The following RAPGEF1 variants were observed in gnomAD, a reference collection of about 807,000 sequenced individuals.
The protein encoded by RAPGEF1 is CRK SH3-binding GNRP.
RAPGEF1 carries 33 observed loss-of-function variants against 143.3 expected under a neutral mutation model. That is an observed-to-expected ratio of 0.23 (90% CI 0.17 to 0.31). The LOEUF is 0.31. RAPGEF1 is among the 10% of genes least tolerant of loss of function. The pLI, the probability that RAPGEF1 is intolerant of heterozygous loss-of-function variation, is 1.00. For missense variants in RAPGEF1, 1,199 were observed against 1,645.4 expected (o/e 0.73, Z 4.69); for synonymous variants, 629 against 676.5 (o/e 0.93, Z 1.09).
intron 1 of RAPGEF1, among the ~76,000 whole-genome samples, chr9:131,734,223 T>C (rs879669470): frequency 1.4e-4 from 21 of 152,182 alleles, no homozygotes; most frequent in Non-Finnish European, 2.9e-4. Flanking sequence ...AGGGGGCCGG[T>C]TCCCCATTCC....
chr9:131,661,893 T>A (rs1208767150), intron 1 of RAPGEF1, among the ~76,000 whole-genome samples: 1 of 152,254 alleles, frequency 6.6e-6, no homozygotes, highest in Admixed American at 6.5e-5. Flanking sequence ...ATTCTTAGGA[T>A]CTTAAATCAC....
rs1315298438 is a variant in RAPGEF1, at chr9:131,592,042, CCTCT to C, written c.2774+53_2774+56del. ...ACGAGGACTGAAGGGCAAGAGGGTC[CCTCT>C]CTCTCCAAAATGCCCATGGTGCAGG... On this transcript the variant is annotated intron_variant, in intron 18 of 26. Transcript: ENST00000683357. 25 of 1,362,066 alleles carry C rather than the reference CCTCT, an allele frequency of 1.8e-5. No homozygotes were observed. In the East Asian group the frequency reaches 5.3e-4, roughly 29 times the overall value. The allele number at this position is 1,362,066 out of a possible 1,614,324, so 84.4% of individuals were successfully genotyped here.
chr9:131,607,587 G>T (rs924172723), intron 12 of RAPGEF1, among the ~76,000 whole-genome samples: 14 of 152,072 alleles, frequency 9.2e-5, no homozygotes, highest in African/African-American at 2.7e-4. Flanking sequence ...CTGCTGGGGG[G>T]GCTGCCTTCA....
In RAPGEF1 at chr9:131,658,162, G is replaced by A. The variant is rs149486178; in HGVS notation, c.62-7213C>T. Among the ~76,000 whole-genome samples the A allele has an allele frequency of 7.0e-4, 106 of 152,256 alleles. 1 individual carries two copies. In the East Asian group the frequency reaches 0.015, roughly 22 times the overall value. ...TAAGAGCAGAACGGCTGGATTGTAG[G>A]GTATATGCCACATTGATTCTTACAG... On this transcript the variant is annotated intron_variant, in intron 1 of 26. Coordinates refer to ENST00000683357, the MANE Select transcript of RAPGEF1 (RefSeq NM_001377935.1).
At chr9:131,590,209 C>G (rs1346382846) in intron 18 of RAPGEF1, among the ~76,000 whole-genome samples, 1 of 152,192 alleles carries the variant, frequency 6.6e-6, no homozygotes, top group Non-Finnish European at 1.5e-5. Flanking sequence ...GCCCTCTCCT[C>G]CCTGCCACGC....
intron 5 of RAPGEF1, among the ~76,000 whole-genome samples, chr9:131,634,386 T>C (rs1464379040): frequency 6.6e-6 from 1 of 152,146 alleles, no homozygotes; most frequent in African/African-American, 2.4e-5. Context: ...AAATATGTAA[T>C]ACTTTATTTC....
chr9:131,714,660 G>C (rs1433311219), intron 1 of RAPGEF1, among the ~76,000 whole-genome samples: 2 of 150,592 alleles, frequency 1.3e-5, no homozygotes, highest in South Asian at 2.1e-4. Context: ...GAGGCAGAAA[G>C]TCTGGGAGGC....
At chr9:131,679,700 C>G (rs1306452257) in intron 1 of RAPGEF1, among the ~76,000 whole-genome samples, 1 of 152,210 alleles carries the variant, frequency 6.6e-6, no homozygotes, top group Admixed American at 6.5e-5. Flanking sequence ...GCAGCGGGGA[C>G]TCCGCCAGGG....
At chr9:131,694,153 C>T (rs1170836911) in intron 1 of RAPGEF1, among the ~76,000 whole-genome samples, 2 of 152,194 alleles carry the variant, frequency 1.3e-5, no homozygotes, top group African/African-American at 4.8e-5. Context: ...ACCTACTTTA[C>T]TCTGACTTAC....
At chr9:131,653,964 C>T (rs1039380315) in intron 1 of RAPGEF1, among the ~76,000 whole-genome samples, 8 of 152,152 alleles carry the variant, frequency 5.3e-5, no homozygotes, top group African/African-American at 1.4e-4. Context: ...AAATTAAGTA[C>T]GGATCAGCTA....
rs1837636353 is a variant in RAPGEF1, at chr9:131,739,759, C to A, written c.61+11G>T. ...CCGGCCGGAGGGAGCCGCCCCACGC[C>A]CGCGCCTCACCTGCTTTCTCGATCT... On this transcript the variant is annotated intron_variant, in intron 1 of 26. Coordinates refer to ENST00000683357, the MANE Select transcript of RAPGEF1 (RefSeq NM_001377935.1). 2 of 1,153,882 alleles carry A rather than the reference C, an allele frequency of 1.7e-6. No individual in the cohort carries two copies. The highest frequency in any genetic ancestry group is 1.7e-5 in the African/African-American group (1 of 59,804). 71.5% of individuals were successfully genotyped at this position (1,153,882 alleles called of 1,614,324 possible). A position where few individuals can be genotyped will look rare whatever the true frequency, so the allele number is the denominator to read the frequency against.
At chr9:131,597,196 A>G (rs542662091) in intron 16 of RAPGEF1, among the ~76,000 whole-genome samples, 121 of 152,336 alleles carry the variant, frequency 7.9e-4, no homozygotes, top group African/African-American at 2.8e-3. Context: ...ACACTCCGGG[A>G]CTAGCCCACC....
intron 1 of RAPGEF1, among the ~76,000 whole-genome samples, chr9:131,665,744 G>C (rs1431818373): frequency 6.6e-6 from 1 of 152,148 alleles, no homozygotes; most frequent in Non-Finnish European, 1.5e-5. Context: ...AAGCCACTAT[G>C]AGTGGTTGGG....
Position 131,579,403 on chromosome 9 carries a change from T to A in RAPGEF1, c.*94A>T. On this transcript the variant is annotated 3_prime_UTR_variant, in exon 27 of 27. Transcript: ENST00000683357. ...AGCCTCATGGCTCCGAGGCCGGGAC[T>A]CCTGCCATGCGCCTAACAGGTCCAA... The A allele has an allele frequency of 2.0e-6, 3 of 1,491,718 alleles. No homozygotes were observed. The highest frequency in any genetic ancestry group is 1.4e-5 in the African/African-American group (1 of 71,402). The allele number at this position is 1,491,718 out of a possible 1,614,324, so 92.4% of individuals were successfully genotyped here.
At chr9:131,718,001 C>T (rs903563212) in intron 1 of RAPGEF1, among the ~76,000 whole-genome samples, 9 of 152,088 alleles carry the variant, frequency 5.9e-5, no homozygotes, top group African/African-American at 2.2e-4. Flanking sequence ...CTCACCAAAA[C>T]CCTACCGCAG....
Position 131,670,422 on chromosome 9 carries a change from C to T in RAPGEF1, c.62-19473G>A, listed in dbSNP as rs1057338922. Among the ~76,000 whole-genome samples, 26 of 152,196 alleles carry T rather than the reference C, an allele frequency of 1.7e-4. 1 individual carries two copies. The highest frequency in any genetic ancestry group is 8.5e-4 in the Admixed American group (13 of 15,288). On this transcript the variant is annotated intron_variant, in intron 1 of 26. Transcript: ENST00000683357. Reference sequence around the variant, plus strand: ...ATCTTGGTGTAGGCTCCTCTTCCCCCTTTTGAAGCCAAAGACTAGCAAATA... The same window carrying T: ...ATCTTGGTGTAGGCTCCTCTTCCCCTTTTTGAAGCCAAAGACTAGCAAATA...
intron 11 of RAPGEF1, among the ~76,000 whole-genome samples, chr9:131,620,274 CTTT>C (rs10708548): frequency 1.6e-4 from 23 of 146,314 alleles, no homozygotes; most frequent in African/African-American, 2.0e-4. Context: ...TCAGCAATGG[CTTT>C]TTTTTTTTTT....
At position 131,655,438 on chromosome 9, in the gene RAPGEF1, C is replaced by G. The variant is rs1226935726; in HGVS notation, c.62-4489G>C. 6.6e-6 allele frequency among the ~76,000 whole-genome samples: 1 copy of G among 152,240 alleles called. No homozygotes were observed. The highest frequency in any genetic ancestry group is 1.5e-5 in the Non-Finnish European group (1 of 68,034). On this transcript the variant is annotated intron_variant, in intron 1 of 26. Transcript: ENST00000683357. This position sits in a 1 kb window ranked among gnomAD's most constrained non-coding sequence, Gnocchi z 4.1. ...TATGTCAGCAGTCATCCCTCGCATT[C>G]AAATGAACTGGGATGGTGTGACTTC... is the stretch of plus-strand genomic sequence containing the variant.
intron 1 of RAPGEF1, among the ~76,000 whole-genome samples, chr9:131,722,602 G>A (rs540513715): frequency 6.6e-4 from 100 of 152,342 alleles, no homozygotes; most frequent in Admixed American, 1.3e-3. Flanking sequence ...GGCCCCTGAT[G>A]GGAATGGGAG....
Sources: gnomAD v4.1 joint callset for allele counts (sites outside exome capture counted in the v4.1 genomes callset) on GRCh38, gnomAD v4.1.1 for gene constraint, Gnocchi (gnomAD v3.1) non-coding constraint, MANE v1.5 for transcripts, NCBI Gene and HGNC (gene_info 2026-07-23, HGNC 2026-07-21) for gene names.